PPP1R3F: variants seen among roughly 807,000 people sequenced by gnomAD.
PPP1R3F encodes the protein protein phosphatase 1, regulatory (inhibitor) subunit 3F.
PPP1R3F carries 29 observed loss-of-function variants against 24.2 expected under a neutral mutation model. The observed-to-expected ratio is 1.20, with a 90% CI of 0.89 to 1.63. The LOEUF (loss-of-function observed/expected upper bound fraction) is 1.63. Among genes scored for constraint, PPP1R3F ranks in the 40% most tolerant of loss-of-function variants. The probability of loss-of-function intolerance (pLI) is 0.00; values close to 1 mark genes in which losing one functional copy is unlikely to be tolerated. For missense variants in PPP1R3F, 823 were observed against 729.3 expected, an observed-to-expected ratio of 1.13 and a Z score of -1.48; for synonymous variants, 363 against 340.1, an observed-to-expected ratio of 1.07 and a Z score of -0.74.
rs1489066161 is a variant in PPP1R3F at position 49,296,017 on chromosome X, T to C, written c.393-5334T>C. Reference sequence around the variant, plus strand: ...TCTCTGCCAGGTTTTGGTATCAGGATGATGCTGGCCTCATAAAATGAGTTA... The same window carrying C: ...TCTCTGCCAGGTTTTGGTATCAGGACGATGCTGGCCTCATAAAATGAGTTA... On this transcript the variant is annotated intron_variant, in intron 3 of 3. Coordinates refer to the PPP1R3F transcript ENST00000471261. Among the ~76,000 whole-genome samples, 4 of 112,008 alleles carry C rather than the reference T, an allele frequency of 3.6e-5. No individual in the cohort carries two copies. The East Asian group carries it at 1.1e-3, about 31-fold the overall frequency.
At chrX:49,276,258 G>A (rs1469491923) in intron 1 of PPP1R3F, among the ~76,000 whole-genome samples, 1 of 112,449 alleles carries the variant, frequency 8.9e-6, no homozygotes, top group Admixed American at 9.4e-5. Context: ...TCCCTCAATG[G>A]AAATTTGGAG....
chrX:49,291,426 C>G (rs1337684441), downstream of PPP1R3F, among the ~76,000 whole-genome samples: 1 of 109,089 alleles, frequency 9.2e-6, no homozygotes, highest in African/African-American at 3.4e-5. Flanking sequence ...CCCCTGGGTT[C>G]AAGAGATTCT....
downstream of PPP1R3F, among the ~76,000 whole-genome samples, chrX:49,290,683 G>C (rs1280833417): frequency 1.8e-5 from 2 of 111,810 alleles, no homozygotes; most frequent in Non-Finnish European, 3.8e-5. Context: ...ACAGGAACAG[G>C]GGCTGGAGCG....
chrX:49,291,289 TC>T (rs2066307591), downstream of PPP1R3F, among the ~76,000 whole-genome samples: 7 of 39,678 alleles, frequency 1.8e-4, no homozygotes, highest in African/African-American at 3.1e-4. Context: ...AGCCTACTTT[TC>T]TCTCTCTCTC....
Position 49,285,970 on chromosome X carries a change from G to A in PPP1R3F, c.1280G>A (p.Gly427Asp), listed in dbSNP as rs1557121370. The change falls in exon 4 of 4, where the codon GGT (glycine) becomes GAT (aspartate). Residue 427 changes from glycine (G) to aspartate (D), a missense_variant. Physicochemically the swap from Gly to Asp is moderately conservative, Grantham distance 94. Transcript: ENST00000055335. The part of the protein sequence containing the change: ...IPPSSPLCGL[G>D]GSPRDQASGP... ...CCCTCCTCCCCTCTCTGTGGCCTGGGTGGCTCCCCCAGAGACCAGGCCTCA... is the reference window on the plus strand; with the variant it reads ...CCCTCCTCCCCTCTCTGTGGCCTGGATGGCTCCCCCAGAGACCAGGCCTCA... The A allele has an allele frequency of 1.7e-6, 2 of 1,203,081 alleles. No individual in the cohort carries two copies. The highest frequency in any genetic ancestry group is 4.4e-5 in the Admixed American group (2 of 45,189).
chrX:49,273,241 T>G (rs781797709), intron 1 of PPP1R3F: 10 of 111,495 alleles, frequency 9.0e-5, no homozygotes, highest in African/African-American at 2.9e-4. Flanking sequence ...GAACCCTGTC[T>G]GTAAGATGCG....
chrX:49,294,908 C>CAA (rs58639270), intron 3 of PPP1R3F, among the ~76,000 whole-genome samples: 49 of 45,014 alleles, frequency 1.1e-3, no homozygotes, highest in Non-Finnish European at 2.1e-3. Flanking sequence ...GAATATGTCT[C>CAA]AAAAAAAAAA....
chrX:49,292,306 A>G (rs1557122456), downstream of PPP1R3F, among the ~76,000 whole-genome samples: 1 of 112,212 alleles, frequency 8.9e-6, no homozygotes, highest in Non-Finnish European at 1.9e-5. Flanking sequence ...TCCTTCTACC[A>G]GGAACTCATT....
chrX:49,282,848 A>T (rs2066258341), intron 3 of PPP1R3F, among the ~76,000 whole-genome samples: 1 of 109,095 alleles, frequency 9.2e-6, no homozygotes, highest in Non-Finnish European at 1.9e-5. Context: ...CGGAGGAGGG[A>T]TGTAATCTGA....
Position 49,287,177 on chromosome X carries a change from C to A in PPP1R3F, c.*87C>A. On this transcript the variant is annotated 3_prime_UTR_variant, in exon 4 of 4. Transcript: ENST00000055335. ...CCTGGGTCCTTTGCTTCTGAGAATGCTCAACTGAAAGAGAGGCCTTCTCAT... is the reference window on the plus strand; with the variant it reads ...CCTGGGTCCTTTGCTTCTGAGAATGATCAACTGAAAGAGAGGCCTTCTCAT... The A allele has an allele frequency of 1.0e-6, 1 of 980,305 alleles. No homozygotes were observed. Among genetic ancestry groups the A allele is most frequent in the Non-Finnish European group, 1.4e-6 (1 of 717,936 alleles). 80.8% of individuals were successfully genotyped at this position (980,305 alleles called of 1,213,427 possible).
At chrX:49,288,257 T>C (rs1257417408), downstream of PPP1R3F, among the ~76,000 whole-genome samples, 1 of 112,424 alleles carries the variant, frequency 8.9e-6, no homozygotes, top group African/African-American at 3.2e-5. Context: ...CACATTGTTA[T>C]AGCCATGGTT....
intron 3 of PPP1R3F, among the ~76,000 whole-genome samples, chrX:49,299,536 C>T (rs932210897): frequency 1.8e-5 from 2 of 112,287 alleles, no homozygotes; most frequent in Admixed American, 9.4e-5. Flanking sequence ...AGCTTGAGCG[C>T]TGTGCTGGGA....
chrX:49,286,135 A>T lies in PPP1R3F; in HGVS notation c.1445A>T (p.Asp482Val). Reference sequence around the variant, plus strand: ...GGGTCAGAGGAGCTGCTCGGTGAGGACACCATCGACCAGGAGCTGGAGCAG... The same window carrying T: ...GGGTCAGAGGAGCTGCTCGGTGAGGTCACCATCGACCAGGAGCTGGAGCAG... Reference protein sequence around the residue: ...VSGSEELLGEDTIDQELEQLY... With the variant: ...VSGSEELLGEVTIDQELEQLY... Residue 482 changes from aspartate to valine, a missense_variant, in exon 4 of 4, where the codon GAC (aspartate) becomes GTC (valine). Physicochemically the swap from Asp to Val is radical, Grantham distance 152. Transcript: ENST00000055335. 8.5e-7 allele frequency: 1 copy of T among 1,176,780 alleles called. No homozygotes were observed.
chrX:49,294,694 A>G (rs1426497267), intron 3 of PPP1R3F, among the ~76,000 whole-genome samples: 1 of 108,283 alleles, frequency 9.2e-6, no homozygotes, highest in Non-Finnish European at 1.9e-5. Flanking sequence ...GTGGATCATG[A>G]GGTCAGGAGA....
At chrX:49,274,672 C>A (rs1569530440) in intron 1 of PPP1R3F, 1 of 112,182 alleles carries the variant, frequency 8.9e-6, no homozygotes, top group Non-Finnish European at 1.9e-5. Context: ...AACATCGCCA[C>A]CAGTCGAGGG....
At position 49,281,985 on chromosome X, in the gene PPP1R3F, G is replaced by T; in HGVS notation, c.1065G>T (p.Glu355Asp). ...NMDDNTFAMA[E>D]HPDVQESVGP... The stretch of plus-strand genomic sequence containing the variant: ...CTGCCTTTCTCTTCCCTCTAGCAGA[G>T]CATCCTGATGTCCAGGAGTCAGTGG... Residue 355 changes from glutamate to aspartate, a missense_variant, in exon 3 of 4, where the codon GAG becomes GAT. Physicochemically the swap from Glu to Asp is conservative, Grantham distance 45. Coordinates refer to ENST00000055335, the MANE Select transcript of PPP1R3F (RefSeq NM_033215.5). 8.3e-7 allele frequency: 1 copy of T among 1,202,522 alleles called. No individual in the cohort carries two copies. Among genetic ancestry groups the T allele is most frequent in the Non-Finnish European group, 1.1e-6 (1 of 887,016 alleles).
intron 3 of PPP1R3F, among the ~76,000 whole-genome samples, chrX:49,296,308 G>A (rs1557122824): frequency 1.8e-5 from 2 of 112,004 alleles, no homozygotes; most frequent in African/African-American, 3.2e-5. Flanking sequence ...TTTGTGTAGA[G>A]GTATGTATAG....
chrX:49,291,915 G>C (rs1460941754), downstream of PPP1R3F, among the ~76,000 whole-genome samples: 1 of 111,171 alleles, frequency 9.0e-6, no homozygotes, highest in African/African-American at 3.3e-5. Flanking sequence ...ATGAGACCAA[G>C]TCCAAACCTG....
Position 49,281,406 on chromosome X carries a change from G to C in PPP1R3F, c.1005G>C (p.Arg335Ser), listed in dbSNP as rs1450736476. Residue 335 changes from arginine to serine, a missense_variant and splice_region_variant, in exon 2 of 4, where the codon AGG (arginine) becomes AGC (serine). Arg to Ser is a moderately radical substitution (Grantham distance 110). Transcript: ENST00000055335. ...ATGTACTCTCTCCTCTGCCCTGCAG[G>C]CCTGCCGAGGAGGAACTGAAGACGA... The part of the protein sequence containing the change: ...LKSCMKPVRR[R>S]PAEEELKTKN... 8.3e-7 allele frequency: 1 copy of C among 1,202,908 alleles called. No homozygotes were observed. The highest frequency in any genetic ancestry group is 1.1e-6 in the Non-Finnish European group (1 of 889,535).
Sources: gnomAD v4.1 joint callset for allele counts (sites outside exome capture counted in the v4.1 genomes callset) on GRCh38, gnomAD v4.1.1 for gene constraint, MANE v1.5 for transcripts, NCBI Gene and HGNC (gene_info 2026-07-23, HGNC 2026-07-21) for gene names.